ADGRB3: variants seen among roughly 807,000 people sequenced by gnomAD.
ADGRB3 encodes the protein brain-specific angiogenesis inhibitor 3.
In ADGRB3, 37 loss-of-function variants were observed where a neutral mutation model predicts 193.4. The ratio of observed to expected loss-of-function variants is 0.19; its 90% CI spans 0.15 to 0.25. The LOEUF (loss-of-function observed/expected upper bound fraction) is 0.25, where lower values mean the gene tolerates loss of function less well. Among genes scored for constraint, ADGRB3 ranks in the 10% least tolerant of loss-of-function variants. The pLI is 1.00. For missense variants in ADGRB3, 1,637 were observed against 1,852.9 expected, an observed-to-expected ratio of 0.88 and a Z score of 2.14; for synonymous variants, 690 against 644.2, an observed-to-expected ratio of 1.07 and a Z score of -1.08.
At chr6:68,746,361 T>C (rs1766084236) in intron 3 of ADGRB3, among the ~76,000 whole-genome samples, 1 of 152,058 alleles carries the variant, frequency 6.6e-6, no homozygotes, top group Admixed American at 6.6e-5. Flanking sequence ...TTATCCCTTT[T>C]TAAGTTATTA....
intron 20 of ADGRB3, among the ~76,000 whole-genome samples, chr6:69,315,169 A>G (rs540205613): frequency 6.6e-6 from 1 of 151,700 alleles, no homozygotes; most frequent in East Asian, 1.9e-4. Flanking sequence ...TAGAAAATTA[A>G]TATTAGAAAA....
chr6:69,038,691 T>C (rs186655322), intron 13 of ADGRB3, among the ~76,000 whole-genome samples: 29 of 152,348 alleles, frequency 1.9e-4, no homozygotes, highest in African/African-American at 7.0e-4. Flanking sequence ...ATAATCACCT[T>C]ACATTTCCCC....
At chr6:69,304,539 G>A (rs1198099513) in intron 20 of ADGRB3, among the ~76,000 whole-genome samples, 3 of 151,528 alleles carry the variant, frequency 2.0e-5, no homozygotes, top group Non-Finnish European at 4.4e-5. Context: ...TTTAATTTTA[G>A]TTAGCTACAT....
intron 11 of ADGRB3, among the ~76,000 whole-genome samples, chr6:69,011,339 G>A (rs1211565652): frequency 6.6e-6 from 1 of 151,986 alleles, no homozygotes; most frequent in Non-Finnish European, 1.5e-5. Context: ...CATGGATGCA[G>A]CTGGAGGCCA....
intron 29 of ADGRB3, among the ~76,000 whole-genome samples, chr6:69,363,988 G>T (rs1056486276): frequency 6.6e-6 from 1 of 152,064 alleles, no homozygotes; most frequent in East Asian, 1.9e-4. Context: ...TAATGTTAAG[G>T]TGAAAATGGT....
intron 3 of ADGRB3, among the ~76,000 whole-genome samples, chr6:68,666,447 G>C (rs1768803964): frequency 6.6e-6 from 1 of 151,738 alleles, no homozygotes; most frequent in Non-Finnish European, 1.5e-5. Flanking sequence ...CAATCCACTT[G>C]TCCCTATCAT....
chr6:69,052,794 T>A (rs1771437636), intron 15 of ADGRB3, among the ~76,000 whole-genome samples: 1 of 152,366 alleles, frequency 6.6e-6, no homozygotes, highest in East Asian at 1.9e-4. Context: ...AGATTGTTAC[T>A]TCAACTGAAG....
In ADGRB3 at chr6:69,165,497, G is replaced by A. The variant is rs147864030; in HGVS notation, c.2481-67793G>A. ...CTTTTGGATGCCATGTATCATCCTG[G>A]AGTTGATTTTTTCATTTTGCAACCT... is the stretch of plus-strand genomic sequence containing the variant. On this transcript the variant is annotated intron_variant, in intron 17 of 31. Transcript: ENST00000370598. 1.9e-3 allele frequency among the ~76,000 whole-genome samples: 281 copies of A among 151,174 alleles called. 1 individual carries two copies. The highest frequency in any genetic ancestry group is 6.4e-3 in the African/African-American group (262 of 41,146).
intron 24 of ADGRB3, among the ~76,000 whole-genome samples, chr6:69,334,439 G>A (rs989778872): frequency 9.2e-5 from 14 of 152,072 alleles, no homozygotes; most frequent in African/African-American, 2.2e-4. Context: ...ATGCAATAGC[G>A]TAATAAAAAC....
intron 17 of ADGRB3, among the ~76,000 whole-genome samples, chr6:69,189,421 C>T (rs931494068): frequency 2.6e-5 from 4 of 152,146 alleles, no homozygotes; most frequent in African/African-American, 9.7e-5. Flanking sequence ...GATTTTGAAT[C>T]AGTGATGAAA....
chr6:69,080,068 G>T (rs1302107574), intron 17 of ADGRB3, among the ~76,000 whole-genome samples: 1 of 151,850 alleles, frequency 6.6e-6, no homozygotes. Context: ...TCTCTCCTTT[G>T]CTTCCATTAT....
At chr6:68,889,751 C>T (rs1766019871) in intron 3 of ADGRB3, among the ~76,000 whole-genome samples, 1 of 152,030 alleles carries the variant, frequency 6.6e-6, no homozygotes, top group African/African-American at 2.4e-5. Flanking sequence ...ATCCACCTGC[C>T]TCGGCCTCCC....
At chr6:69,076,519 T>G (rs185935995) in intron 17 of ADGRB3, among the ~76,000 whole-genome samples, 5 of 152,224 alleles carry the variant, frequency 3.3e-5, no homozygotes, top group Non-Finnish European at 1.5e-5. Context: ...TTTAATTTTT[T>G]ATTTGTATAT....
rs766473874 is a variant in ADGRB3, at chr6:68,943,879, A to G, written c.1080A>G (p.Thr360=). 2.5e-6 allele frequency: 4 copies of G among 1,613,818 alleles called. No individual in the cohort carries two copies. The South Asian group carries it at 3.3e-5, about 13-fold the overall frequency. Residue 360 remains threonine (T), a synonymous_variant, in exon 6 of 32, where the codon ACA becomes ACG. Coordinates refer to ENST00000370598, the MANE Select transcript of ADGRB3 (RefSeq NM_001704.3). ...CACCATGGAGTTTATGTTCATTTAC[A>G]TGTGGTCGAGGCCAAAGAACAAGAA... ...EWSPWSLCSF[T]CGRGQRTRTR...
intron 17 of ADGRB3, among the ~76,000 whole-genome samples, chr6:69,084,189 T>C (rs1051241381): frequency 4.6e-5 from 7 of 152,190 alleles, no homozygotes. Context: ...GGCCCCACGG[T>C]GATTGTTATC....
rs562963025 is a variant in ADGRB3 at position 69,220,047 on chromosome 6, GT to G, written c.2481-13234del. Among the ~76,000 whole-genome samples, 45 of 150,888 alleles carry G rather than the reference GT, an allele frequency of 3.0e-4. No individual in the cohort carries two copies. In the South Asian group the frequency reaches 9.0e-3, roughly 30 times the overall value. On this transcript the variant is annotated intron_variant, in intron 17 of 31. Coordinates refer to ENST00000370598, the MANE Select transcript of ADGRB3 (RefSeq NM_001704.3). Reference sequence around the variant, plus strand: ...TCCCACAGGAATTTTTCTCATGACAGTTTTTTTTTCTTCTTTTGCCTAGTAA... The same window carrying G: ...TCCCACAGGAATTTTTCTCATGACAGTTTTTTTTCTTCTTTTGCCTAGTAA...
intron 3 of ADGRB3, among the ~76,000 whole-genome samples, chr6:68,832,938 G>A (rs1767981645): frequency 6.6e-6 from 1 of 152,092 alleles, no homozygotes; most frequent in Admixed American, 6.6e-5. Context: ...TTCTGTTGAT[G>A]ATCCTCCCAT....
Position 68,639,404 on chromosome 6 carries a change from C to T in ADGRB3, c.729C>T (p.Thr243=), listed in dbSNP as rs761972567. 15 of 1,611,176 alleles carry T rather than the reference C, an allele frequency of 9.3e-6. No homozygotes were observed. The South Asian group carries it at 1.3e-4, about 14-fold the overall frequency. The change falls in exon 3 of 32, where the codon ACC becomes ACT. Residue 243 remains threonine, a synonymous_variant. Coordinates refer to ENST00000370598, the MANE Select transcript of ADGRB3 (RefSeq NM_001704.3). ...AAACCACCCAAGTCTGCAATCTTAC[C>T]AGGGAGGCCAAGCGACCACCCAAAG... ...ELQTTQVCNL[T]REAKRPPKEE...
In ADGRB3 at chr6:69,117,099, G is replaced by A. The variant is rs1773555802; in HGVS notation, c.2480+41061G>A. 2.0e-5 allele frequency among the ~76,000 whole-genome samples: 3 copies of A among 152,166 alleles called. No homozygotes were observed. In the South Asian group the frequency reaches 6.2e-4, roughly 32 times the overall value. ...TTAGGAAAAAAAGATAGACAAAAAA[G>A]TATCTGTACTGCCACAATCCATGTT... On this transcript the variant is annotated intron_variant, in intron 17 of 31. Coordinates refer to ENST00000370598, the MANE Select transcript of ADGRB3 (RefSeq NM_001704.3).
Sources: gnomAD v4.1 joint callset for allele counts (sites outside exome capture counted in the v4.1 genomes callset) on GRCh38, gnomAD v4.1.1 for gene constraint, MANE v1.5 for transcripts, NCBI Gene and HGNC (gene_info 2026-07-23, HGNC 2026-07-21) for gene names.